APOL1: variants seen among roughly 807,000 people sequenced by gnomAD.
The protein encoded by APOL1 is apolipoprotein L1, also known as apolipoprotein L 1.
Under a neutral mutation model 14.9 loss-of-function variants are expected in APOL1, and 17 were observed. The observed-to-expected ratio is 1.14, with a 90% confidence interval of 0.78 to 1.71. The LOEUF (loss-of-function observed/expected upper bound fraction) is 1.71. APOL1 is among the 40% of genes most tolerant of loss of function. The pLI is 0.00. For missense variants in APOL1, 523 were observed against 485.9 expected, an observed-to-expected ratio of 1.08 and a Z score of -0.72; for synonymous variants, 195 against 184.8, an observed-to-expected ratio of 1.05 and a Z score of -0.45.
At position 36,265,938 on chromosome 22, in the gene APOL1, G is replaced by A. The variant is rs749088883; in HGVS notation, c.1102G>A (p.Ala368Thr). ...ACATGAGGGGGCAAAGTCAGAGACA[G>A]CTGAGGAGCTGAAGAAGGTGGCTCA... is the stretch of plus-strand genomic sequence containing the variant. ...HLHEGAKSET[A>T]EELKKVAQEL... Residue 368 changes from alanine (A) to threonine (T), a missense_variant, in exon 6 of 6, where the codon GCT becomes ACT. Ala to Thr is a moderately conservative substitution (Grantham distance 58, BLOSUM62 0). Transcript: ENST00000397278. The A allele has an allele frequency of 1.2e-5, 20 of 1,614,070 alleles. No homozygotes were observed. Among genetic ancestry groups the A allele is most frequent in the South Asian group, 9.9e-5 (9 of 91,082 alleles).
chr22:36,257,364 A>G lies in APOL1; in HGVS notation c.144A>G (p.Gln48=), dbSNP rs2146298770. The change falls in exon 4 of 6, where the codon CAA becomes CAG. Residue 48 remains glutamine (Q), a synonymous_variant. Transcript: ENST00000397278. ...VPSGTDTGDP[Q]SKPLGDWAAG... is the part of the protein sequence containing the mutation. ...GTGGGACAGATACTGGAGATCCTCA[A>G]AGTAAGCCCCTCGGTGACTGGGCTG... 2 of 1,614,190 alleles carry G rather than the reference A, an allele frequency of 1.2e-6. No homozygotes were observed. Among genetic ancestry groups the G allele is most frequent in the Non-Finnish European group, 1.7e-6 (2 of 1,180,026 alleles).
In APOL1 at chr22:36,266,065, T is replaced by A; in HGVS notation, c.*32T>A. On this transcript the variant is annotated 3_prime_UTR_variant, in exon 6 of 6. Coordinates refer to ENST00000397278, the MANE Select transcript of APOL1 (RefSeq NM_003661.4). ...GGCAGGGCAGCCACCAGGAGAGATA[T>A]GCCTGGCAGGGGCCAGGACAAAATG... The A allele has an allele frequency of 1.3e-6, 2 of 1,549,232 alleles. No individual in the cohort carries two copies. The highest frequency in any genetic ancestry group is 2.5e-5 in the South Asian group (2 of 79,850).
At chr22:36,255,473 A>G (rs2015841687) in intron 2 of APOL1, among the ~76,000 whole-genome samples, 1 of 152,150 alleles carries the variant, frequency 6.6e-6, no homozygotes, top group South Asian at 2.1e-4. Context: ...TGTCCCTTAC[A>G]GCAAGAAGGG....
chr22:36,264,959 C>A (rs567751136), intron 5 of APOL1, among the ~76,000 whole-genome samples, 192 bp from the exon 6 acceptor site: 28 of 151,958 alleles, frequency 1.8e-4, no homozygotes, highest in African/African-American at 6.8e-4. Flanking sequence ...CTACAGGCGC[C>A]CACCACCACG....
At chr22:36,258,427 T>C (rs997213061) in intron 4 of APOL1, among the ~76,000 whole-genome samples, 2 of 152,206 alleles carry the variant, frequency 1.3e-5, no homozygotes, top group Admixed American at 6.5e-5. Context: ...GGACATTATT[T>C]GATTGGTTGC....
rs139590386 is a variant in APOL1 at position 36,265,764 on chromosome 22, A to T, written c.928A>T (p.Ile310Phe). The T allele has an allele frequency of 1.2e-6, 2 of 1,614,168 alleles. No individual in the cohort carries two copies. Among genetic ancestry groups the T allele is most frequent in the African/African-American group, 2.7e-5 (2 of 75,042 alleles). Residue 310 changes from isoleucine (I) to phenylalanine (F), a missense_variant, in exon 6 of 6, where the codon ATC becomes TTC. By Grantham distance (21) the Ile-to-Phe change is conservative. Transcript: ENST00000397278. The part of the protein sequence containing the change: ...SASRPRVTEP[I>F]SAESGEQVER... ...CTCACGCCCCCGGGTCACTGAGCCA[A>T]TCTCAGCTGAAAGCGGTGAACAGGT...
At position 36,259,521 on chromosome 22, in the gene APOL1, G is replaced by A. The variant is rs556601243; in HGVS notation, c.188-2075G>A. On this transcript the variant is annotated intron_variant, in intron 4 of 5. Coordinates refer to ENST00000397278, the MANE Select transcript of APOL1 (RefSeq NM_003661.4). ...CGCCCTGGACAGCAAACTGGGCTGT[G>A]CTGAGTCCTGTCCAAGACGAGGGGA... 2.7e-4 allele frequency: 314 copies of A among 1,144,658 alleles called. 1 individual carries two copies. Among genetic ancestry groups the A allele is most frequent in the South Asian group, 1.6e-3 (103 of 63,234 alleles). 70.9% of individuals were successfully genotyped at this position (1,144,658 alleles called of 1,614,324 possible). A position where few individuals can be genotyped will look rare whatever the true frequency, so the allele number is the denominator to read the frequency against.
chr22:36,260,166 G>A (rs559056614), intron 4 of APOL1, among the ~76,000 whole-genome samples: 25 of 152,262 alleles, frequency 1.6e-4, no homozygotes, highest in Admixed American at 1.0e-3. Flanking sequence ...AGGCCGAGGC[G>A]GGCAGATCAC....
chr22:36,265,241 G>A lies in APOL1; in HGVS notation c.405G>A (p.Gln135=), dbSNP rs1423798819. 1.2e-6 allele frequency: 2 copies of A among 1,614,228 alleles called. No homozygotes were observed. Among genetic ancestry groups the A allele is most frequent in the East Asian group, 2.2e-5 (1 of 44,888 alleles). The change falls in exon 6 of 6, where the codon CAG becomes CAA. Residue 135 remains glutamine, a synonymous_variant. Transcript: ENST00000397278. ...AAAACTGGCACGATAAAGGCCAGCA[G>A]TACAGAAACTGGTTTCTGAAAGAGT... ...KDKNWHDKGQ[Q]YRNWFLKEFP... is the part of the protein sequence containing the mutation.
chr22:36,255,029 AG>A, intron 2 of APOL1, 30 bp downstream of exon 2: 1 of 1,600,944 alleles, frequency 6.2e-7, no homozygotes, highest in East Asian at 2.2e-5. Context: ...CTGAGGCGGG[AG>A]GGAGGGCTCC....
In APOL1 at chr22:36,254,994, C is replaced by T. The variant is rs1319708414; in HGVS notation, c.39C>T (p.Cys13=). Residue 13 remains cysteine, a synonymous_variant, in exon 2 of 6, where the codon TGC becomes TGT. Transcript: ENST00000397278. The part of the protein sequence containing the change: ...GAALLRVSVL[C]IWMSALFLGV... ...CTTTGCTGAGAGTCTCTGTCCTCTGCATCTGGTGAGCTTGGCTCAGAGCCC... is the reference window on the plus strand; with the variant it reads ...CTTTGCTGAGAGTCTCTGTCCTCTGTATCTGGTGAGCTTGGCTCAGAGCCC... The T allele has an allele frequency of 6.2e-7, 1 of 1,613,772 alleles. No individual in the cohort carries two copies. The highest frequency in any genetic ancestry group is 8.5e-7 in the Non-Finnish European group (1 of 1,179,744).
intron 2 of APOL1, among the ~76,000 whole-genome samples, 161 bp from the exon 3 acceptor site, chr22:36,256,922 A>G (rs1469424654): frequency 6.6e-6 from 1 of 152,226 alleles, no homozygotes; most frequent in Non-Finnish European, 1.5e-5. Context: ...GACATGCAAT[A>G]CACACTGGCT....
chr22:36,255,357 T>A (rs932059242), intron 2 of APOL1, among the ~76,000 whole-genome samples: 3 of 152,268 alleles, frequency 2.0e-5, no homozygotes, highest in African/African-American at 7.2e-5. Context: ...TCCTCCTGTG[T>A]CCTCATGGCT....
intron 5 of APOL1, among the ~76,000 whole-genome samples, chr22:36,263,947 C>G (rs898417721): frequency 6.6e-6 from 1 of 152,130 alleles, no homozygotes; most frequent in African/African-American, 2.4e-5. Flanking sequence ...GGGTGAAGAG[C>G]ATAATCAGAT....
At chr22:36,259,867 T>C (rs1391952750) in intron 4 of APOL1, 2 of 1,304,040 alleles carry the variant, frequency 1.5e-6, no homozygotes, top group African/African-American at 3.0e-5. Flanking sequence ...GTAGTTGTAC[T>C]CAATGCTGTG....
intron 4 of APOL1, among the ~76,000 whole-genome samples, chr22:36,260,391 TC>T (rs112389547): frequency 1.5e-4 from 22 of 151,074 alleles, no homozygotes; most frequent in Admixed American, 7.2e-4. Flanking sequence ...CAAGACTCCA[TC>T]CCCCCAAAAA....
In APOL1 at chr22:36,257,739, A is replaced by C. The variant is rs942519346; in HGVS notation, c.187+332A>C. ...TGGGGAGAGCAGGGTCCAGGAGGAG[A>C]GGAGGGCTGGGAGAGGAGGTTGACC... On this transcript the variant is annotated intron_variant, in intron 4 of 5. Transcript: ENST00000397278. 2.1e-5 allele frequency among the ~76,000 whole-genome samples: 3 copies of C among 142,180 alleles called. No homozygotes were observed. The South Asian group carries it at 6.6e-4, about 31-fold the overall frequency. 93.3% of individuals were successfully genotyped at this position (142,180 alleles called of 152,430 possible). A position where few individuals can be genotyped will look rare whatever the true frequency, so the allele number is the denominator to read the frequency against.
intron 5 of APOL1, among the ~76,000 whole-genome samples, chr22:36,262,762 A>G (rs1463171519): frequency 6.6e-6 from 1 of 152,188 alleles, no homozygotes; most frequent in Non-Finnish European, 1.5e-5. Flanking sequence ...TGTGTCTCTC[A>G]CACCACGCCT....
intron 4 of APOL1, 136 bp from the exon 5 acceptor site, chr22:36,261,460 T>A: frequency 1.1e-6 from 1 of 925,186 alleles, no homozygotes; most frequent in Non-Finnish European, 1.6e-6. Context: ...ATTCCCTCTA[T>A]AGCACTAATG....
Sources: allele counts gnomAD v4.1 joint callset (sites outside exome capture counted in the v4.1 genomes callset), GRCh38; gene constraint gnomAD v4.1.1; transcripts MANE v1.5; gene names NCBI Gene and HGNC (gene_info 2026-07-23, HGNC 2026-07-21).